The following COL18A1 variants were observed in gnomAD, a reference collection of about 807,000 sequenced individuals.
COL18A1 encodes the protein collagen type XVIII alpha 1 chain, also known as collagen alpha-1(XVIII) chain.
COL18A1 carries 133 observed loss-of-function variants against 168.0 expected under a neutral mutation model. The observed-to-expected ratio is 0.79, with a 90% CI of 0.69 to 0.91. COL18A1 has a LOEUF of 0.91. Among genes scored for constraint, COL18A1 ranks in the 40% least tolerant of loss-of-function variants. COL18A1 has a pLI of 0.00. For missense variants in COL18A1, 2,126 were observed against 1,925.4 expected (o/e 1.10, Z -1.95); for synonymous variants, 949 against 809.0 (o/e 1.17, Z -2.94).
intron 22 of COL18A1, 129 bp from the exon 23 acceptor site, chr21:45,492,406 G>T (rs2036383616): frequency 2.6e-6 from 3 of 1,171,056 alleles, no homozygotes; most frequent in East Asian, 2.3e-5. Context: ...CCAGGCCCAG[G>T]AAGACTGGAA....
rs1568945863 is a variant in COL18A1 at position 45,506,774 on chromosome 21, T to TG, written c.3217-787_3217-786insG. On this transcript the variant is annotated intron_variant, in intron 37 of 41. Transcript: ENST00000651438. ...CCCTCCCACCTTCCCTCTGGAACCC[T>TG]CCCACCTTCCCTCTGGAGCCCTCCC... The TG allele has an allele frequency of 7.7e-3, 370 of 48,056 alleles. 4 individuals are homozygous for TG. The highest frequency in any genetic ancestry group is 0.025 in the African/African-American group (346 of 13,600). 3.0% of individuals were successfully genotyped at this position (48,056 alleles called of 1,614,324 possible). A position where few individuals can be genotyped will look rare whatever the true frequency, so the allele number is the denominator to read the frequency against.
At chr21:45,468,844 G>A (rs2035311617) in intron 3 of COL18A1, 58 bp downstream of exon 3, 2 of 1,443,344 alleles carry the variant, frequency 1.4e-6, no homozygotes, top group Admixed American at 2.0e-5. Flanking sequence ...GGTGGGGTGG[G>A]GGTGGCCACT....
At chr21:45,484,023 ACATG>A (rs748204538) in intron 15 of COL18A1, among the ~76,000 whole-genome samples, 2 of 102,816 alleles carry the variant, frequency 1.9e-5, no homozygotes, top group African/African-American at 7.6e-5. Flanking sequence ...GCATATGTAC[ACATG>A]CACACACACA....
intron 2 of COL18A1, among the ~76,000 whole-genome samples, chr21:45,411,248 CA>C (rs1483855904): frequency 6.6e-6 from 1 of 152,154 alleles, no homozygotes; most frequent in Non-Finnish European, 1.5e-5. Context: ...CAGGTGACCC[CA>C]TGGAGCCAGT....
intron 2 of COL18A1, chr21:45,420,693 C>T (rs934979263): frequency 1.3e-5 from 2 of 152,496 alleles, no homozygotes; most frequent in East Asian, 1.9e-4. Context: ...GGCCCCAGCT[C>T]CTCCCCTCCT....
chr21:45,455,902 C>G, intron 2 of COL18A1: 2 of 1,613,114 alleles, frequency 1.2e-6, no homozygotes, highest in African/African-American at 1.3e-5. Context: ...TCCGGAGCTT[C>G]GTCCAGCTGT....
Position 45,512,728 on chromosome 21 carries a change from G to A in COL18A1, c.*330G>A, listed in dbSNP as rs1346582249. 4 of 419,174 alleles carry A rather than the reference G, an allele frequency of 9.5e-6. No homozygotes were observed. In the Admixed American group the frequency reaches 1.5e-4, roughly 16 times the overall value. The allele number at this position is 419,174 out of a possible 1,614,324, so 26.0% of individuals were successfully genotyped here. A position where few individuals can be genotyped will look rare whatever the true frequency, so the allele number is the denominator to read the frequency against. The stretch of plus-strand genomic sequence containing the variant: ...CGGCTCGATTTCTCCAGGATTTCCT[G>A]CTTTGGGAAGCCGTGCTCGCCCCAG... On this transcript the variant is annotated 3_prime_UTR_variant, in exon 42 of 42. Coordinates refer to ENST00000651438, the MANE Select transcript of COL18A1 (RefSeq NM_001379500.1).
chr21:45,430,616 G>A (rs1012114966), intron 2 of COL18A1, among the ~76,000 whole-genome samples: 1 of 152,182 alleles, frequency 6.6e-6, no homozygotes, highest in African/African-American at 2.4e-5. Flanking sequence ...TGGAGCGCGT[G>A]GGTGGCTGCC....
chr21:45,489,031 TGCGTGCGGGGCCAAGG>T (rs1480824060), intron 18 of COL18A1, among the ~76,000 whole-genome samples: 4 of 152,178 alleles, frequency 2.6e-5, no homozygotes, highest in African/African-American at 9.7e-5. Context: ...CGTCCTCTGC[TGCGTGCGGGGCCAAGG>T]GCGCACGGGG....
chr21:45,473,226 G>A lies in COL18A1; in HGVS notation c.652-669G>A, dbSNP rs1282409486. Among the ~76,000 whole-genome samples the A allele has an allele frequency of 2.6e-5, 4 of 152,236 alleles. No homozygotes were observed. Among genetic ancestry groups the A allele is most frequent in the Non-Finnish European group, 5.9e-5 (4 of 68,048 alleles). On this transcript the variant is annotated intron_variant, in intron 3 of 41. Coordinates refer to ENST00000651438, the MANE Select transcript of COL18A1 (RefSeq NM_001379500.1). The surrounding 1 kb of genome is among the most constrained non-coding windows in gnomAD (Gnocchi z 4.0). ...GGCCTGCATCTCACCAGGCACCGCC[G>A]GCCGCGCCAGGGCCCGAGAGGGCAG...
chr21:45,475,640 C>T, intron 5 of COL18A1, 105 bp downstream of exon 5: 2 of 979,302 alleles, frequency 2.0e-6, no homozygotes, highest in Non-Finnish European at 3.2e-6. Context: ...CCAAGAGCTC[C>T]CTCTATGCCA....
Position 45,479,959 on chromosome 21 carries a change from G to T in COL18A1, c.1306G>T (p.Asp436Tyr). ...GTPGDVGPKG[D>Y]KGDPGVGERG... Reference sequence around the variant, plus strand: ...TCCAGGGGACGTAGGTCCCAAGGGCGACAAGGTGAGTCTCCGTGGCTGGGT... The same window carrying T: ...TCCAGGGGACGTAGGTCCCAAGGGCTACAAGGTGAGTCTCCGTGGCTGGGT... The change falls in exon 10 of 42, where the codon GAC becomes TAC. Residue 436 changes from aspartate (D) to tyrosine (Y), a missense_variant. Transcript: ENST00000651438. 1 of 1,613,914 alleles carries T rather than the reference G, an allele frequency of 6.2e-7. No individual in the cohort carries two copies. The highest frequency in any genetic ancestry group is 8.5e-7 in the Non-Finnish European group (1 of 1,179,956).
At chr21:45,412,153 T>C (rs991704848) in intron 2 of COL18A1, among the ~76,000 whole-genome samples, 1 of 152,202 alleles carries the variant, frequency 6.6e-6, no homozygotes, top group Non-Finnish European at 1.5e-5. Context: ...CTTTCAGCTC[T>C]GGATGTCCTA....
chr21:45,467,940 C>T (rs1051727950), intron 2 of COL18A1, among the ~76,000 whole-genome samples: 3 of 152,228 alleles, frequency 2.0e-5, no homozygotes, highest in Non-Finnish European at 4.4e-5. Flanking sequence ...CATCCCTGCT[C>T]AAAGCATGGA....
chr21:45,509,656 G>A, intron 39 of COL18A1, 55 bp downstream of exon 39: 2 of 932,054 alleles, frequency 2.1e-6, no homozygotes, highest in Non-Finnish European at 3.4e-6. Flanking sequence ...GCTCTCGGCA[G>A]CAGAAGAGGG....
chr21:45,426,490 G>C (rs879256255), intron 2 of COL18A1, among the ~76,000 whole-genome samples: 1 of 152,136 alleles, frequency 6.6e-6, no homozygotes, highest in Non-Finnish European at 1.5e-5. Context: ...CACCCTCCTC[G>C]CCGAGATGGA....
intron 37 of COL18A1, 94 bp downstream of exon 37, chr21:45,506,060 G>T: frequency 3.8e-6 from 6 of 1,588,186 alleles, no homozygotes; most frequent in Non-Finnish European, 4.3e-6. Context: ...CCCCGGACAG[G>T]GATGGGAGCA....
intron 2 of COL18A1, among the ~76,000 whole-genome samples, chr21:45,448,252 C>T (rs2034544272): frequency 6.6e-6 from 1 of 151,288 alleles, no homozygotes; most frequent in Non-Finnish European, 1.5e-5. Flanking sequence ...CCACATTTTT[C>T]CCAGGCACTC....
chr21:45,505,997 C>T lies in COL18A1; in HGVS notation c.3216+31C>T, dbSNP rs199511992. ...CGCTCTGTGTGACGGGTTCTGGACC[C>T]GTGGAAGGGCCGAAGCCGCCTCCTG... is the stretch of plus-strand genomic sequence containing the variant. On this transcript the variant is annotated intron_variant, in intron 37 of 41. Coordinates refer to ENST00000651438, the MANE Select transcript of COL18A1 (RefSeq NM_001379500.1). The T allele has an allele frequency of 1.0e-3, 1,623 of 1,612,616 alleles. 3 individuals carry two copies. The highest frequency in any genetic ancestry group is 1.2e-3 in the Non-Finnish European group (1,425 of 1,179,892).
Sources: gnomAD v4.1 joint callset for allele counts (sites outside exome capture counted in the v4.1 genomes callset) on GRCh38, gnomAD v4.1.1 for gene constraint, Gnocchi (gnomAD v3.1) non-coding constraint, MANE v1.5 for transcripts, NCBI Gene and HGNC (gene_info 2026-07-23, HGNC 2026-07-21) for gene names.